The following DLC1 variants were observed in gnomAD, a reference collection of about 807,000 sequenced individuals.
DLC1 encodes the protein DLC1 Rho GTPase activating protein, also known as rho GTPase-activating protein 7.
A neutral mutation model predicts 140.3 loss-of-function variants in DLC1; 54 were observed. The ratio of observed to expected loss-of-function variants is 0.38; its 90% CI spans 0.31 to 0.48. The LOEUF (loss-of-function observed/expected upper bound fraction) is 0.48, where lower values mean the gene tolerates loss of function less well. Among genes scored for constraint, DLC1 ranks in the 20% least tolerant of loss-of-function variants. The pLI is 0.96. For synonymous variants in DLC1, 986 were observed against 728.1 expected, an observed-to-expected ratio of 1.35 and a Z score of -5.70; for missense variants, 2,536 against 1,907.0, an observed-to-expected ratio of 1.33 and a Z score of -6.14.
intron 5 of DLC1, among the ~76,000 whole-genome samples, chr8:13,259,612 C>CT (rs1177785667): frequency 2.0e-5 from 3 of 151,940 alleles, no homozygotes; most frequent in African/African-American, 7.3e-5. Flanking sequence ...TCCTTCATTT[C>CT]TTTTCCACCT....
At chr8:13,209,864 C>T (rs750100911) in intron 5 of DLC1, among the ~76,000 whole-genome samples, 9 of 152,084 alleles carry the variant, frequency 5.9e-5, no homozygotes, top group Non-Finnish European at 8.8e-5. Context: ...GCCTGCAGAA[C>T]CAGGAGCCAA....
intron 5 of DLC1, among the ~76,000 whole-genome samples, chr8:13,166,165 C>T (rs1204940835): frequency 6.6e-6 from 1 of 152,136 alleles, no homozygotes; most frequent in Non-Finnish European, 1.5e-5. Context: ...CCACATACTC[C>T]TCTGCATGAT....
Position 13,100,550 on chromosome 8 carries a change from C to A in DLC1, c.1787G>T (p.Ser596Ile). ...SERQEVSSVR[S>I]LSSTGSLPSH... is the part of the protein sequence containing the mutation. The stretch of plus-strand genomic sequence containing the variant: ...GGGGAGGCTGCCAGTGCTGCTGAGG[C>A]TGCGGACGGAAGACACCTCCTGGCG... The change falls in exon 9 of 18, where the codon AGC becomes ATC. Residue 596 changes from serine to isoleucine, a missense_variant. Ser to Ile is a moderately radical substitution (Grantham distance 142). Transcript: ENST00000276297. The A allele has an allele frequency of 6.2e-7, 1 of 1,613,168 alleles. No individual in the cohort carries two copies. Among genetic ancestry groups the A allele is most frequent in the Non-Finnish European group, 8.5e-7 (1 of 1,179,832 alleles).
At chr8:13,168,993 A>G (rs1825284502) in intron 5 of DLC1, among the ~76,000 whole-genome samples, 2 of 152,218 alleles carry the variant, frequency 1.3e-5, no homozygotes, top group Admixed American at 1.3e-4. Context: ...AGAAAAGGTC[A>G]TGGGTATAGG....
At chr8:13,235,985 T>A (rs535552771) in intron 5 of DLC1, among the ~76,000 whole-genome samples, 25 of 151,234 alleles carry the variant, frequency 1.7e-4, no homozygotes, top group Admixed American at 7.3e-4. Context: ...AAGTGAAATT[T>A]AAAAAAAAAA....
chr8:13,286,917 C>G (rs1284713573), intron 5 of DLC1, among the ~76,000 whole-genome samples: 12 of 152,144 alleles, frequency 7.9e-5, no homozygotes, highest in Admixed American at 2.0e-4. Flanking sequence ...AGATGACAGT[C>G]TGCAAACTTC....
intron 1 of DLC1, among the ~76,000 whole-genome samples, chr8:13,587,672 A>G (rs1226836466): frequency 6.7e-6 from 1 of 150,038 alleles, no homozygotes; most frequent in South Asian, 2.1e-4. Flanking sequence ...TGTTAACTGC[A>G]ATGTTGGCTC....
chr8:13,197,056 C>T (rs956296358), intron 5 of DLC1, among the ~76,000 whole-genome samples: 1 of 152,144 alleles, frequency 6.6e-6, no homozygotes, highest in Non-Finnish European at 1.5e-5. Context: ...GAATGAGAAC[C>T]TATATTGCTT....
intron 4 of DLC1, among the ~76,000 whole-genome samples, chr8:13,377,776 C>A (rs1836067406): frequency 6.6e-6 from 1 of 151,850 alleles, no homozygotes; most frequent in South Asian, 2.1e-4. Context: ...ACATTGGAGG[C>A]ACAAATCTTG....
In DLC1 at chr8:13,398,605, CA is replaced by C. The variant is rs55898759; in HGVS notation, c.1173+2864del. Among the ~76,000 whole-genome samples, 1,129 of 113,074 alleles carry C rather than the reference CA, an allele frequency of 1.0e-2. 6 individuals are homozygous for C. The highest frequency in any genetic ancestry group is 0.016 in the African/African-American group (474 of 30,104). 74.2% of individuals were successfully genotyped at this position (113,074 alleles called of 152,430 possible). The stretch of plus-strand genomic sequence containing the variant: ...CAACATAGAGAAACCCCATCTCTAC[CA>C]AAAAAAAAAAAAAAAAAAATTAGCC... On this transcript the variant is annotated intron_variant, in intron 3 of 17. Coordinates refer to ENST00000276297, the MANE Select transcript of DLC1 (RefSeq NM_182643.3).
At chr8:13,431,749 A>G (rs983369775) in intron 2 of DLC1, among the ~76,000 whole-genome samples, 9 of 152,108 alleles carry the variant, frequency 5.9e-5, no homozygotes, top group East Asian at 1.9e-4. Flanking sequence ...ATGCTTACCT[A>G]TCTGTAGGGC....
At chr8:13,602,630 G>T (rs1332797215) in intron 1 of DLC1, among the ~76,000 whole-genome samples, 4 of 151,918 alleles carry the variant, frequency 2.6e-5, no homozygotes, top group Middle Eastern at 3.4e-3. Flanking sequence ...TGAGTACCTA[G>T]AAGTTCACTA....
chr8:13,276,457 G>T, intron 5 of DLC1: 2 of 1,370,442 alleles, frequency 1.5e-6, no homozygotes, highest in Non-Finnish European at 1.9e-6. Context: ...TCGGTACTCC[G>T]CCCCGCGCTG....
At chr8:13,170,273 A>T (rs1164558342) in intron 5 of DLC1, among the ~76,000 whole-genome samples, 1 of 152,200 alleles carries the variant, frequency 6.6e-6, no homozygotes, top group Non-Finnish European at 1.5e-5. Context: ...TTCTTGATGC[A>T]GTAATTACAA....
At chr8:13,176,273 G>A (rs534856002) in intron 5 of DLC1, among the ~76,000 whole-genome samples, 97 of 152,214 alleles carry the variant, frequency 6.4e-4, no homozygotes, top group African/African-American at 2.2e-3. Context: ...GATGAAAACT[G>A]CCTTCTAATA....
In DLC1 at chr8:13,084,685, T is replaced by C. The variant is rs1817410592; in HGVS notation, c.*1126A>G. On this transcript the variant is annotated 3_prime_UTR_variant, in exon 18 of 18. Coordinates refer to ENST00000276297, the MANE Select transcript of DLC1 (RefSeq NM_182643.3). ...TAAAACCAGAAAACCTATTTGCTGA[T>C]AAGAACAAGCCCAATGAATAAACAC... 1 of 151,260 alleles carries C rather than the reference T, an allele frequency of 6.6e-6. No homozygotes were observed. Among genetic ancestry groups the C allele is most frequent in the South Asian group, 2.1e-4 (1 of 4,772 alleles). The allele number at this position is 151,260 out of a possible 1,614,324, so 9.4% of individuals were successfully genotyped here. A position where few individuals can be genotyped will look rare whatever the true frequency, so the allele number is the denominator to read the frequency against.
intron 2 of DLC1, among the ~76,000 whole-genome samples, chr8:13,491,231 C>G (rs752700099): frequency 6.6e-6 from 1 of 151,530 alleles, no homozygotes; most frequent in African/African-American, 2.4e-5. Flanking sequence ...GCATTTGACA[C>G]TCTCTAAACA....
chr8:13,191,784 C>G (rs541238081), intron 5 of DLC1, among the ~76,000 whole-genome samples: 24 of 152,098 alleles, frequency 1.6e-4, no homozygotes, highest in African/African-American at 5.8e-4. Context: ...CAACATTCTC[C>G]TTTCTGGATC....
intron 2 of DLC1, among the ~76,000 whole-genome samples, chr8:13,417,985 T>C (rs1838151403): frequency 1.3e-5 from 2 of 152,228 alleles, no homozygotes; most frequent in Non-Finnish European, 2.9e-5. Flanking sequence ...CATTTTTTCA[T>C]GTGTCTTTTG....
Sources: allele counts gnomAD v4.1 joint callset (sites outside exome capture counted in the v4.1 genomes callset), GRCh38; gene constraint gnomAD v4.1.1; transcripts MANE v1.5; gene names NCBI Gene and HGNC (gene_info 2026-07-23, HGNC 2026-07-21).